PAH: variants seen among roughly 807,000 people sequenced by gnomAD.
The protein encoded by PAH is phenylalanine hydroxylase, also known as phenylalanine-4-hydroxylase.
In PAH, 64 loss-of-function variants were observed where a neutral mutation model predicts 62.0. That is an observed-to-expected ratio of 1.03 (90% CI 0.84 to 1.27). PAH has a LOEUF of 1.27. Ranked by LOEUF, PAH falls within the 50% of genes most tolerant of loss-of-function variation. PAH has a pLI of 0.00. For missense variants in PAH, 579 were observed against 542.8 expected, an observed-to-expected ratio of 1.07 and a Z score of -0.66; for synonymous variants, 195 against 196.2, an observed-to-expected ratio of 0.99 and a Z score of 0.05.
In PAH at chr12:102,844,443, A is replaced by G. The variant is rs1874743109; in HGVS notation, c.970-12T>C. On this transcript the variant is annotated splice_polypyrimidine_tract_variant and intron_variant, in intron 9 of 12. Coordinates refer to ENST00000553106, the MANE Select transcript of PAH (RefSeq NM_000277.3). ...GTAAACCAGTAAATCTGGAATGGAA[A>G]GTCAATCTGAGAGCACACTCTATGA... 1.9e-6 allele frequency: 3 copies of G among 1,556,106 alleles called. No individual in the cohort carries two copies. The highest frequency in any genetic ancestry group is 2.7e-6 in the Non-Finnish European group (3 of 1,127,698).
intron 2 of PAH, among the ~76,000 whole-genome samples, chr12:102,899,095 C>A (rs1481013655): frequency 6.6e-6 from 1 of 152,180 alleles, no homozygotes; most frequent in Non-Finnish European, 1.5e-5. Flanking sequence ...TTAAACAAAG[C>A]AAAGAGCAAT....
At chr12:102,909,713 C>A (rs150794458) in intron 2 of PAH, among the ~76,000 whole-genome samples, 1,566 of 152,300 alleles carry the variant, frequency 0.01, 25 homozygotes, top group African/African-American at 0.036. Context: ...AATCCCAGCA[C>A]TTTGGGAGGC....
At chr12:102,929,535 A>C (rs1312393578) in intron 1 of PAH, among the ~76,000 whole-genome samples, 2 of 152,140 alleles carry the variant, frequency 1.3e-5, no homozygotes, top group African/African-American at 4.8e-5. Flanking sequence ...AACCATGGCA[A>C]GGAACTTTTA....
At chr12:102,929,957 T>C (rs1878802965) in intron 1 of PAH, among the ~76,000 whole-genome samples, 1 of 152,176 alleles carries the variant, frequency 6.6e-6, no homozygotes, top group African/African-American at 2.4e-5. Context: ...ATTGAGAAGA[T>C]ATCTCTGGAA....
intron 1 of PAH, chr12:102,915,258 T>C (rs1257582767): frequency 6.6e-6 from 1 of 152,216 alleles, no homozygotes; most frequent in East Asian, 1.9e-4. Context: ...TGCTTTCCAC[T>C]TGGCATTTGA....
chr12:102,841,702 C>T lies in PAH; in HGVS notation c.1200-1187G>A, dbSNP rs187129411. 1.1e-4 allele frequency among the ~76,000 whole-genome samples: 17 copies of T among 152,330 alleles called. No individual in the cohort carries two copies. The East Asian group carries it at 3.3e-3, about 29-fold the overall frequency. On this transcript the variant is annotated intron_variant, in intron 11 of 12. Coordinates refer to ENST00000553106, the MANE Select transcript of PAH (RefSeq NM_000277.3). ...GTCTCAACCCAGCTGGTGGCATGAG[C>T]CACATGTTACACATCTGTGATTTTG... is the stretch of plus-strand genomic sequence containing the variant.
intron 1 of PAH, among the ~76,000 whole-genome samples, chr12:102,944,255 A>G (rs1271156300): frequency 1.3e-5 from 2 of 152,120 alleles, no homozygotes; most frequent in East Asian, 3.8e-4. Flanking sequence ...TTTGGGTTAA[A>G]TCTGCTTAAT....
At chr12:102,869,794 G>T (rs997805556) in intron 4 of PAH, among the ~76,000 whole-genome samples, 29 of 152,192 alleles carry the variant, frequency 1.9e-4, no homozygotes, top group Admixed American at 7.2e-4. Flanking sequence ...CATTCCTTGG[G>T]CTACCAGACG....
intron 6 of PAH, 105 bp downstream of exon 6, chr12:102,855,031 C>T: frequency 1.1e-6 from 1 of 918,742 alleles, no homozygotes; most frequent in Non-Finnish European, 1.8e-6. Flanking sequence ...CCTACAAGCA[C>T]ATGCTTTCAT....
intron 3 of PAH, among the ~76,000 whole-genome samples, chr12:102,878,956 G>C (rs1231015381): frequency 6.6e-6 from 1 of 152,122 alleles, no homozygotes; most frequent in Non-Finnish European, 1.5e-5. Flanking sequence ...AGAATCCAGA[G>C]AGCCAAAATA....
At chr12:102,921,515 C>A (rs1378966720), upstream of PAH, among the ~76,000 whole-genome samples, 2 of 152,152 alleles carry the variant, frequency 1.3e-5, no homozygotes, top group African/African-American at 4.8e-5. Flanking sequence ...AACAATAAAA[C>A]AAGTAATTTT....
chr12:102,848,119 T>G (rs1874947073), intron 8 of PAH, among the ~76,000 whole-genome samples: 1 of 152,010 alleles, frequency 6.6e-6, no homozygotes, highest in African/African-American at 2.4e-5. Flanking sequence ...TACCAAGCAC[T>G]CCTTCTGCCT....
chr12:102,842,090 C>G (rs1203323620), intron 11 of PAH, among the ~76,000 whole-genome samples: 1 of 152,200 alleles, frequency 6.6e-6, no homozygotes, highest in Non-Finnish European at 1.5e-5. Flanking sequence ...TCGGTACTGA[C>G]AGGCCTGTTT....
chr12:102,927,280 G>GTTTT (rs34781084), intron 1 of PAH, among the ~76,000 whole-genome samples: 4 of 129,190 alleles, frequency 3.1e-5, no homozygotes, highest in Non-Finnish European at 6.6e-5. Context: ...CTTCAAAAAA[G>GTTTT]TTTTTTTTTT....
chr12:102,866,986 A>G (rs971243139), intron 4 of PAH, among the ~76,000 whole-genome samples: 3 of 152,246 alleles, frequency 2.0e-5, no homozygotes, highest in Admixed American at 6.5e-5. Context: ...ATGGATGTCT[A>G]TGATGAAGAT....
intron 1 of PAH, among the ~76,000 whole-genome samples, chr12:102,935,700 C>A (rs1402166632): frequency 6.6e-6 from 1 of 152,056 alleles, no homozygotes; most frequent in Non-Finnish European, 1.5e-5. Context: ...ATTGTAGCCT[C>A]TAATGATCCT....
intron 2 of PAH, among the ~76,000 whole-genome samples, chr12:102,905,305 C>T (rs1877932011): frequency 6.6e-6 from 1 of 152,072 alleles, no homozygotes; most frequent in South Asian, 2.1e-4. Context: ...AAACCTTGGC[C>T]CCAAATAGCT....
chr12:102,876,114 C>T (rs879721713), intron 4 of PAH, among the ~76,000 whole-genome samples: 15 of 151,594 alleles, frequency 9.9e-5, no homozygotes, highest in Non-Finnish European at 2.1e-4. Flanking sequence ...TATGCTTTCT[C>T]ATTATTTGAA....
chr12:102,858,105 G>A (rs1260784709), intron 5 of PAH, among the ~76,000 whole-genome samples: 2 of 152,184 alleles, frequency 1.3e-5, no homozygotes, highest in Non-Finnish European at 2.9e-5. Context: ...GACACACATA[G>A]GCCCAAAATA....
Sources: allele counts gnomAD v4.1 joint callset (sites outside exome capture counted in the v4.1 genomes callset), GRCh38; gene constraint gnomAD v4.1.1; transcripts MANE v1.5; gene names NCBI Gene and HGNC (gene_info 2026-07-23, HGNC 2026-07-21).